The following TMC7 variants were observed in gnomAD, a reference collection of about 807,000 sequenced individuals.
TMC7 encodes the protein transmembrane channel-like protein 7.
A neutral mutation model predicts 82.9 loss-of-function variants in TMC7; 54 were observed. The observed-to-expected ratio is 0.65, with a 90% CI of 0.52 to 0.82. The LOEUF is 0.82. Among genes scored for constraint, TMC7 ranks in the 40% least tolerant of loss-of-function variants. The probability of loss-of-function intolerance (pLI) is 0.00; values close to 1 mark genes in which losing one functional copy is unlikely to be tolerated. For missense variants in TMC7, 820 were observed against 901.2 expected (o/e 0.91, Z 1.15); for synonymous variants, 350 against 337.9 (o/e 1.04, Z -0.39).
At chr16:19,006,301 A>G (rs547230650) in intron 1 of TMC7, among the ~76,000 whole-genome samples, 2 of 151,954 alleles carry the variant, frequency 1.3e-5, no homozygotes, top group African/African-American at 2.4e-5. Flanking sequence ...CCTGGGTTCA[A>G]GCGATCCTAA....
At position 19,012,859 on chromosome 16, in the gene TMC7, A is replaced by G. The variant is rs367747420; in HGVS notation, c.311+3444A>G. On this transcript the variant is annotated intron_variant, in intron 2 of 15. Coordinates refer to ENST00000304381, the MANE Select transcript of TMC7 (RefSeq NM_024847.4). ...AAGGACACAGAAAGGAGAAAGGATC[A>G]TTCTTTTTTTTTTGAGACGGGATCT... Among the ~76,000 whole-genome samples, 12 of 143,550 alleles carry G rather than the reference A, an allele frequency of 8.4e-5. No individual in the cohort carries two copies. The East Asian group carries it at 1.9e-3, about 23-fold the overall frequency. The allele number at this position is 143,550 out of a possible 152,430, so 94.2% of individuals were successfully genotyped here.
At chr16:18,994,891 C>T (rs985448930) in intron 1 of TMC7, among the ~76,000 whole-genome samples, 13 of 151,882 alleles carry the variant, frequency 8.6e-5, no homozygotes, top group African/African-American at 2.2e-4. Context: ...TGGCATTGAG[C>T]GGGGTAAGGG....
chr16:19,023,194 CTG>C lies in TMC7; in HGVS notation c.711+1_711+2del, dbSNP rs1960065864. 2 of 1,584,176 alleles carry C rather than the reference CTG, an allele frequency of 1.3e-6. No individual in the cohort carries two copies. The highest frequency in any genetic ancestry group is 1.7e-6 in the Non-Finnish European group (2 of 1,154,798). ...TATATCATAGACTTGCTTTCTGGCA[CTG>C]TAAGTATTTAACATAATCCTTTGTT... On this transcript the variant is annotated splice_donor_variant and coding_sequence_variant, in exon 5 of 16. Transcript: ENST00000304381. LOFTEE classifies it high-confidence loss of function.
intron 1 of TMC7, among the ~76,000 whole-genome samples, chr16:19,004,593 G>A (rs938251893): frequency 1.3e-5 from 2 of 152,144 alleles, no homozygotes; most frequent in Non-Finnish European, 2.9e-5. Flanking sequence ...TTGAACTCAT[G>A]ACCTCAAGTG....
intron 1 of TMC7, among the ~76,000 whole-genome samples, chr16:19,007,390 G>A (rs1053614834): frequency 5.9e-5 from 9 of 152,276 alleles, no homozygotes; most frequent in Non-Finnish European, 1.2e-4. Context: ...TCAAGGAGGG[G>A]ACCACGCAGA....
At chr16:19,015,570 GTTTT>G (rs869231364) in intron 2 of TMC7, among the ~76,000 whole-genome samples, 1 of 139,996 alleles carries the variant, frequency 7.1e-6, no homozygotes, top group South Asian at 2.3e-4. Context: ...CTCAAGACAA[GTTTT>G]TTTTTTTTTT....
chr16:19,050,061 A>C (rs1162758984), intron 12 of TMC7, among the ~76,000 whole-genome samples: 1 of 152,074 alleles, frequency 6.6e-6, no homozygotes, highest in Non-Finnish European at 1.5e-5. Context: ...AATCCCTATA[A>C]GGAATACATA....
chr16:19,018,502 GACCTCA>G (rs978816224), intron 3 of TMC7, among the ~76,000 whole-genome samples: 3 of 152,084 alleles, frequency 2.0e-5, no homozygotes, highest in African/African-American at 7.2e-5. Context: ...CCACTCTCAA[GACCTCA>G]TTGAAACCTA....
chr16:18,985,463 C>T (rs35826784), intron 1 of TMC7, among the ~76,000 whole-genome samples: 47,851 of 151,916 alleles, frequency 0.31, 7,777 homozygotes, highest in Non-Finnish European at 0.35. Context: ...GAATTTCAGC[C>T]TTTCAATAAC....
At chr16:19,032,297 C>T (rs758411849) in intron 6 of TMC7, among the ~76,000 whole-genome samples, 2 of 152,098 alleles carry the variant, frequency 1.3e-5, no homozygotes, top group Non-Finnish European at 2.9e-5. Flanking sequence ...GCACTTGTAT[C>T]CTGAGTTAGA....
chr16:19,056,757 G>T, intron 14 of TMC7, 60 bp downstream of exon 14: 1 of 1,566,768 alleles, frequency 6.4e-7, no homozygotes. Context: ...GGGAAATGGC[G>T]GCGGTCGGGG....
At position 19,049,707 on chromosome 16, in the gene TMC7, T is replaced by A. The variant is rs192765898; in HGVS notation, c.1741-1979T>A. ...TGGTGGGTACCTGGCCTCACTTCCG[T>A]CACTCACACCAGGCATGTCCCGCCG... On this transcript the variant is annotated intron_variant, in intron 12 of 15. Coordinates refer to ENST00000304381, the MANE Select transcript of TMC7 (RefSeq NM_024847.4). 1,049 of 974,586 alleles carry A rather than the reference T, an allele frequency of 1.1e-3. 6 individuals are homozygous for A. The African/African-American group carries it at 0.017, about 16-fold the overall frequency. The allele number at this position is 974,586 out of a possible 1,614,324, so 60.4% of individuals were successfully genotyped here.
chr16:19,044,794 G>C, intron 9 of TMC7, 90 bp from the exon 10 acceptor site: 1 of 446,850 alleles, frequency 2.2e-6, no homozygotes, highest in Non-Finnish European at 3.8e-6. Flanking sequence ...AAAAAAAAAA[G>C]GCAGCTTCTA....
intron 6 of TMC7, among the ~76,000 whole-genome samples, chr16:19,031,962 C>T (rs35725599): frequency 0.3 from 46,022 of 152,066 alleles, 7,203 homozygotes; most frequent in Non-Finnish European, 0.33. Flanking sequence ...CTATAGCCAA[C>T]TGCAAGGGAG....
intron 5 of TMC7, among the ~76,000 whole-genome samples, chr16:19,027,061 C>CT (rs35769515): frequency 0.028 from 1,564 of 56,570 alleles, 289 homozygotes; most frequent in African/African-American, 0.087. Context: ...CACACCTGAC[C>CT]TTTTTTTTTT....
intron 11 of TMC7, 71 bp from the exon 12 acceptor site, chr16:19,046,992 C>A: frequency 7.4e-7 from 1 of 1,347,176 alleles, no homozygotes; most frequent in Non-Finnish European, 1.0e-6. Flanking sequence ...GGAAATAGTC[C>A]TGATCTTTGT....
intron 2 of TMC7, among the ~76,000 whole-genome samples, chr16:19,014,065 A>G (rs962451651): frequency 6.7e-6 from 1 of 150,000 alleles, no homozygotes. Context: ...ATGGGGTTTC[A>G]CCGTGTTAGC....
chr16:19,018,918 T>C (rs942199139), intron 3 of TMC7, among the ~76,000 whole-genome samples: 5 of 152,250 alleles, frequency 3.3e-5, no homozygotes, highest in African/African-American at 1.2e-4. Flanking sequence ...TGGTGCAGTC[T>C]TGGCTCACTG....
At chr16:19,026,769 G>T (rs1020635837) in intron 5 of TMC7, among the ~76,000 whole-genome samples, 2 of 151,848 alleles carry the variant, frequency 1.3e-5, no homozygotes, top group Non-Finnish European at 2.9e-5. Context: ...ACTCTTTTTT[G>T]TTTGTTTTTT....
Sources: allele counts gnomAD v4.1 joint callset (sites outside exome capture counted in the v4.1 genomes callset), GRCh38; gene constraint gnomAD v4.1.1; transcripts MANE v1.5; gene names NCBI Gene and HGNC (gene_info 2026-07-23, HGNC 2026-07-21).